Variants in MIS18BP1 observed in about 807,000 individuals in gnomAD.
MIS18BP1 encodes the protein MIS18 binding protein 1.
MIS18BP1 carries 72 observed loss-of-function variants against 116.1 expected under a neutral mutation model. The ratio of observed to expected loss-of-function variants is 0.62; its 90% CI spans 0.51 to 0.75. The LOEUF is 0.75. Ranked by LOEUF, MIS18BP1 falls within the 30% of genes least tolerant of loss-of-function variation. MIS18BP1 has a pLI of 0.00. For synonymous variants in MIS18BP1, 386 were observed against 427.0 expected (o/e 0.90, Z 1.18); for missense variants, 1,363 against 1,303.2 (o/e 1.05, Z -0.71).
At chr14:45,211,007 C>G (rs1007604348) in intron 13 of MIS18BP1, among the ~76,000 whole-genome samples, 3 of 152,172 alleles carry the variant, frequency 2.0e-5, no homozygotes, top group Non-Finnish European at 4.4e-5. Context: ...AGCCTGTAAC[C>G]GAGTAGCGTG....
chr14:45,251,830 A>G (rs1340389469), intron 1 of MIS18BP1, among the ~76,000 whole-genome samples: 3 of 152,228 alleles, frequency 2.0e-5, no homozygotes, highest in African/African-American at 7.2e-5. Context: ...AAACAGTGAG[A>G]TTTCTTTTTC....
intron 8 of MIS18BP1, 64 bp from the exon 9 acceptor site, chr14:45,227,878 T>C: frequency 1.3e-6 from 2 of 1,533,686 alleles, no homozygotes; most frequent in Non-Finnish European, 8.9e-7. Flanking sequence ...CTTTTCTACA[T>C]GAAGAATTAA....
intron 2 of MIS18BP1, among the ~76,000 whole-genome samples, chr14:45,245,561 T>C (rs143451211): frequency 0.027 from 4,114 of 152,072 alleles, 110 homozygotes; most frequent in African/African-American, 0.068. Flanking sequence ...ATGGGGTTTC[T>C]CCACATTGGT....
intron 13 of MIS18BP1, among the ~76,000 whole-genome samples, chr14:45,210,802 A>C (rs1454067694): frequency 6.6e-6 from 1 of 152,186 alleles, no homozygotes; most frequent in African/African-American, 2.4e-5. Flanking sequence ...AGGTCAAAAC[A>C]ACCTTGGTGT....
At position 45,242,416 on chromosome 14, in the gene MIS18BP1, T is replaced by C; in HGVS notation, c.761A>G (p.Lys254Arg). Residue 254 changes from lysine to arginine, a missense_variant, in exon 4 of 17, where the codon AAG becomes AGG. Coordinates refer to ENST00000310806, the MANE Select transcript of MIS18BP1 (RefSeq NM_018353.5). ...TTTAGTGGTTGCAACTATACTCTCC[T>C]TTGAGTGAAAAATTTGTTTAGCCAA... ...AQLAKQIFHS[K>R]ESIVATTKSK... is the part of the protein sequence containing the mutation. 2 of 1,613,900 alleles carry C rather than the reference T, an allele frequency of 1.2e-6. No homozygotes were observed. Among genetic ancestry groups the C allele is most frequent in the South Asian group, 2.2e-5 (2 of 91,006 alleles).
chr14:45,232,829 G>C lies in MIS18BP1; in HGVS notation c.1349-9C>G, dbSNP rs182440763. On this transcript the variant is annotated splice_polypyrimidine_tract_variant and intron_variant, in intron 6 of 16. Transcript: ENST00000310806. ...GAGATAATTTGGATATCCTATTTAA[G>C]GATAAACAACAACAAAAAGTATTTA... is the stretch of plus-strand genomic sequence containing the variant. 32 of 1,249,372 alleles carry C rather than the reference G, an allele frequency of 2.6e-5. No homozygotes were observed. The Admixed American group carries it at 3.3e-4, about 13-fold the overall frequency. 77.4% of individuals were successfully genotyped at this position (1,249,372 alleles called of 1,614,324 possible).
intron 8 of MIS18BP1, among the ~76,000 whole-genome samples, chr14:45,229,045 TAAG>T (rs1222083468): frequency 6.7e-6 from 1 of 148,436 alleles, no homozygotes; most frequent in Non-Finnish European, 1.5e-5. Flanking sequence ...ACAGTTTCAT[TAAG>T]AAAAGATCTA....
chr14:45,221,150 T>C (rs1342316886), intron 11 of MIS18BP1, among the ~76,000 whole-genome samples: 2 of 139,122 alleles, frequency 1.4e-5, no homozygotes, highest in Non-Finnish European at 3.1e-5. Context: ...AGAAAAAAAA[T>C]AAAAGAAGCC....
At chr14:45,244,588 A>G (rs1428060565) in intron 2 of MIS18BP1, among the ~76,000 whole-genome samples, 3 of 152,182 alleles carry the variant, frequency 2.0e-5, no homozygotes, top group Non-Finnish European at 4.4e-5. Flanking sequence ...CCAGCATCTT[A>G]GCAGCAAAAC....
At chr14:45,245,011 A>G (rs1891686110) in intron 2 of MIS18BP1, among the ~76,000 whole-genome samples, 1 of 152,238 alleles carries the variant, frequency 6.6e-6, no homozygotes, top group Non-Finnish European at 1.5e-5. Context: ...TTCACCAAGT[A>G]TTAAAAATGA....
Position 45,221,020 on chromosome 14 carries a change from A to C in MIS18BP1, c.2670-2566T>G, listed in dbSNP as rs559947023. ...TATGGTGGCACACACCTGTAATCCC[A>C]GCTACTTGGGAGGCTGAGGCAGGAG... is the stretch of plus-strand genomic sequence containing the variant. On this transcript the variant is annotated intron_variant, in intron 11 of 16. Transcript: ENST00000310806. Among the ~76,000 whole-genome samples the C allele has an allele frequency of 1.6e-4, 24 of 152,254 alleles. No homozygotes were observed. In the South Asian group the frequency reaches 5.0e-3, roughly 32 times the overall value.
intron 4 of MIS18BP1, among the ~76,000 whole-genome samples, chr14:45,237,934 T>G (rs1338661092): frequency 6.6e-6 from 1 of 152,304 alleles, no homozygotes; most frequent in East Asian, 1.9e-4. Context: ...CAGGTTGTAT[T>G]GCATTTGTTC....
intron 8 of MIS18BP1, among the ~76,000 whole-genome samples, chr14:45,230,811 G>C (rs1470037142): frequency 1.3e-5 from 2 of 152,080 alleles, no homozygotes; most frequent in Non-Finnish European, 2.9e-5. Context: ...AGTAGAGACA[G>C]GGTCTCGTCA....
intron 1 of MIS18BP1, among the ~76,000 whole-genome samples, chr14:45,248,956 A>AGTGCAGTGGT (rs1396923096): frequency 3.3e-5 from 5 of 152,076 alleles, no homozygotes; most frequent in African/African-American, 1.2e-4. Context: ...CCCAGGCTGG[A>AGTGCAGTGGT]GTGCAGTGGT....
chr14:45,237,828 T>A, intron 4 of MIS18BP1, 107 bp from the exon 5 acceptor site: 1 of 1,399,532 alleles, frequency 7.1e-7, no homozygotes, highest in Non-Finnish European at 9.4e-7. Flanking sequence ...AATCCAAATA[T>A]TCCTTAGTGT....
intron 13 of MIS18BP1, among the ~76,000 whole-genome samples, chr14:45,210,938 C>T (rs1467057477): frequency 6.6e-6 from 1 of 152,216 alleles, no homozygotes; most frequent in Non-Finnish European, 1.5e-5. Flanking sequence ...GAGATGGCTT[C>T]TGCTCAAAAG....
At chr14:45,223,828 T>G (rs950604375) in intron 11 of MIS18BP1, 90 bp downstream of exon 11, 6 of 934,690 alleles carry the variant, frequency 6.4e-6, no homozygotes, top group Non-Finnish European at 9.4e-6. Context: ...TAATGACATC[T>G]TCCATGTTAA....
At chr14:45,205,235 T>C (rs908240648) in intron 15 of MIS18BP1, among the ~76,000 whole-genome samples, 1 of 152,160 alleles carries the variant, frequency 6.6e-6, no homozygotes, top group African/African-American at 2.4e-5. Context: ...TTATATCATT[T>C]AGACCTCAAA....
intron 1 of MIS18BP1, among the ~76,000 whole-genome samples, chr14:45,251,036 CAAAAAA>C (rs1230380755): frequency 1.2e-4 from 7 of 59,250 alleles, no homozygotes; most frequent in Non-Finnish European, 2.6e-4. Context: ...GACTCTGCCT[CAAAAAA>C]AAAAAAAAAA....
Sources: allele counts gnomAD v4.1 joint callset (sites outside exome capture counted in the v4.1 genomes callset), GRCh38; gene constraint gnomAD v4.1.1; transcripts MANE v1.5; gene names NCBI Gene and HGNC (gene_info 2026-07-23, HGNC 2026-07-21).